The following MGAT5B variants were observed in gnomAD, a reference collection of about 807,000 sequenced individuals.
The protein encoded by MGAT5B is N-acetylglucosaminyl-transferase Vb.
A neutral mutation model predicts 95.1 loss-of-function variants in MGAT5B; 54 were observed. That is an observed-to-expected ratio of 0.57 (90% CI 0.46 to 0.71). The LOEUF (loss-of-function observed/expected upper bound fraction) is 0.71. MGAT5B is among the 30% of genes least tolerant of loss of function. The pLI is 0.00. For synonymous variants in MGAT5B, 464 were observed against 451.0 expected (o/e 1.03, Z -0.36); for missense variants, 935 against 1,088.6 (o/e 0.86, Z 1.99).
At chr17:76,897,659 CACTT>C (rs1181628864) in intron 3 of MGAT5B, among the ~76,000 whole-genome samples, 1,758 of 108,864 alleles carry the variant, frequency 0.016, 91 homozygotes, top group African/African-American at 0.049. Flanking sequence ...CAAGTAAGGC[CACTT>C]TCTTTCTTTC....
At chr17:76,874,085 A>G (rs570323423) in intron 2 of MGAT5B, among the ~76,000 whole-genome samples, 2 of 152,308 alleles carry the variant, frequency 1.3e-5, no homozygotes, top group East Asian at 3.9e-4. Flanking sequence ...AAGGAATCTC[A>G]CGCTTATTAG....
chr17:76,944,204 AGGCT>A (rs923695045), intron 15 of MGAT5B: 3 of 151,814 alleles, frequency 2.0e-5, no homozygotes, highest in African/African-American at 7.3e-5. Flanking sequence ...CAGGCCAGGC[AGGCT>A]GGCTCCTCCG....
Position 76,904,421 on chromosome 17 carries a change from A to G in MGAT5B, c.689A>G (p.Gln230Arg). 6.4e-7 allele frequency: 1 copy of G among 1,555,540 alleles called. No individual in the cohort carries two copies. Among genetic ancestry groups the G allele is most frequent in the Non-Finnish European group, 8.7e-7 (1 of 1,150,096 alleles). The change falls in exon 6 of 18, where the codon CAG becomes CGG. Residue 230 changes from glutamine (Q) to arginine (R), a missense_variant and splice_region_variant. Gln to Arg is a conservative substitution (Grantham distance 43, BLOSUM62 1). This residue lies in a region of MGAT5B where 243 missense variants were observed against 305.5 expected (regional missense o/e 0.80). Coordinates refer to ENST00000569840, the MANE Select transcript of MGAT5B (RefSeq NM_001199172.2). ...GCACCCAAGCCCCTCCCCAAAGTCCAGGTGGGCCTGGGAGGTGGGTGGGCC... is the reference window on the plus strand; with the variant it reads ...GCACCCAAGCCCCTCCCCAAAGTCCGGGTGGGCCTGGGAGGTGGGTGGGCC... ...QRAPKPLPKVQAVFRSNLSHL... is the reference protein window; with the variant it reads ...QRAPKPLPKVRAVFRSNLSHL...
intron 8 of MGAT5B, among the ~76,000 whole-genome samples, chr17:76,921,265 G>C (rs1051239419): frequency 1.3e-5 from 2 of 152,188 alleles, no homozygotes; most frequent in Non-Finnish European, 2.9e-5. Context: ...CTGGCCTCAC[G>C]TGTGACAGGT....
At position 76,889,492 on chromosome 17, in the gene MGAT5B, G is replaced by T. The variant is rs1284323370; in HGVS notation, c.329+7194G>T. 6.6e-6 allele frequency among the ~76,000 whole-genome samples: 1 copy of T among 152,164 alleles called. No homozygotes were observed. The highest frequency in any genetic ancestry group is 2.4e-5 in the African/African-American group (1 of 41,444). On this transcript the variant is annotated intron_variant, in intron 3 of 17. Coordinates refer to ENST00000569840, the MANE Select transcript of MGAT5B (RefSeq NM_001199172.2). This position sits in a 1 kb window ranked among gnomAD's most constrained non-coding sequence, Gnocchi z 4.4. ...CAGAAGCTGTCTCGGGCCACCGTGG[G>T]TACCTTCACTGGGAGAGAGGCGTGT...
At chr17:76,887,518 C>G (rs1433293976) in intron 3 of MGAT5B, among the ~76,000 whole-genome samples, 2 of 70,402 alleles carry the variant, frequency 2.8e-5, no homozygotes, top group African/African-American at 2.5e-4. Context: ...TCCCTCCCTC[C>G]CTCCCTCCCT....
At chr17:76,929,341 G>T (rs1335688086) in intron 10 of MGAT5B, among the ~76,000 whole-genome samples, 3 of 152,140 alleles carry the variant, frequency 2.0e-5, no homozygotes, top group Admixed American at 6.5e-5. Flanking sequence ...TCCAGACCTG[G>T]CAAACTCCTA....
Position 76,938,066 on chromosome 17 carries a change from C to T in MGAT5B, c.1507C>T (p.Pro503Ser). 1 of 1,614,242 alleles carries T rather than the reference C, an allele frequency of 6.2e-7. No individual in the cohort carries two copies. Among genetic ancestry groups the T allele is most frequent in the Non-Finnish European group, 8.5e-7 (1 of 1,180,052 alleles). ...CGTGTACTACGAGAGCCAGCGGCCCCCCGAGGTGCCAGCCTTTGTGAAGAA... is the reference window on the plus strand; with the variant it reads ...CGTGTACTACGAGAGCCAGCGGCCCTCCGAGGTGCCAGCCTTTGTGAAGAA... ...GTVYYESQRP[P>S]EVPAFVKNHG... Residue 503 changes from proline to serine, a missense_variant, in exon 13 of 18, where the codon CCC (proline) becomes TCC (serine). Transcript: ENST00000569840. This position sits in a 1 kb window ranked among gnomAD's most constrained non-coding sequence, Gnocchi z 4.3.
At chr17:76,877,768 C>G (rs774738115) in intron 2 of MGAT5B, among the ~76,000 whole-genome samples, 14 of 152,044 alleles carry the variant, frequency 9.2e-5, no homozygotes, top group Non-Finnish European at 1.9e-4. Flanking sequence ...GAGGTCTCTG[C>G]TTTCTGGAGA....
intron 3 of MGAT5B, among the ~76,000 whole-genome samples, chr17:76,888,983 G>A (rs1410048155): frequency 1.3e-5 from 2 of 152,234 alleles, no homozygotes; most frequent in Admixed American, 1.3e-4. Flanking sequence ...CTGGCTGCAC[G>A]AGGGTCGGCC....
At position 76,916,791 on chromosome 17, in the gene MGAT5B, A is replaced by G. The variant is rs1895967497; in HGVS notation, c.1026-8175A>G. ...GGGGACCAGTGTTCTTCCTCTGCCAAGGACAGACCAAGAGAGCGTCTTGTC... is the reference window on the plus strand; with the variant it reads ...GGGGACCAGTGTTCTTCCTCTGCCAGGGACAGACCAAGAGAGCGTCTTGTC... On this transcript the variant is annotated intron_variant, in intron 8 of 17. Transcript: ENST00000569840. This position sits in a 1 kb window ranked among gnomAD's most constrained non-coding sequence, Gnocchi z 5.3. Among the ~76,000 whole-genome samples, 1 of 152,148 alleles carries G rather than the reference A, an allele frequency of 6.6e-6. No homozygotes were observed. The highest frequency in any genetic ancestry group is 1.5e-5 in the Non-Finnish European group (1 of 68,018).
chr17:76,943,698 C>T (rs1049321926), intron 15 of MGAT5B, among the ~76,000 whole-genome samples: 14 of 152,118 alleles, frequency 9.2e-5, no homozygotes, highest in South Asian at 2.1e-4. Flanking sequence ...GCCTCGGCCT[C>T]CCAAAGAGCT....
intron 9 of MGAT5B, among the ~76,000 whole-genome samples, chr17:76,925,574 A>G (rs1429297190): frequency 1.3e-5 from 2 of 151,872 alleles, no homozygotes; most frequent in Admixed American, 1.3e-4. Context: ...GTGGGGCTTA[A>G]TTTAGCACAG....
At chr17:76,933,096 G>T (rs575492646) in intron 11 of MGAT5B, among the ~76,000 whole-genome samples, 196 bp from the exon 12 acceptor site, 1 of 152,354 alleles carries the variant, frequency 6.6e-6, no homozygotes, top group Non-Finnish European at 1.5e-5. Flanking sequence ...CGGTGGATGG[G>T]GGGGTGGTCA....
rs892351125 is a variant in MGAT5B at position 76,916,073 on chromosome 17, G to A, written c.1026-8893G>A. 2.0e-5 allele frequency among the ~76,000 whole-genome samples: 3 copies of A among 150,490 alleles called. No homozygotes were observed. The highest frequency in any genetic ancestry group is 6.6e-5 in the Admixed American group (1 of 15,230). ...CCGCCAAATGTCGTGGGCCTCTGCT[G>A]CTGGGGCCTGGGGCTGCCCTGGCCC... On this transcript the variant is annotated intron_variant, in intron 8 of 17. Transcript: ENST00000569840. The surrounding 1 kb of genome is among the most constrained non-coding windows in gnomAD (Gnocchi z 5.3).
At chr17:76,904,040 G>A (rs999232934) in intron 5 of MGAT5B, among the ~76,000 whole-genome samples, 2 of 152,224 alleles carry the variant, frequency 1.3e-5, no homozygotes, top group Non-Finnish European at 2.9e-5. Flanking sequence ...TTCCAGACAT[G>A]AGGGCTGGTG....
In MGAT5B at chr17:76,938,095, C is replaced by T. The variant is rs769291129; in HGVS notation, c.1536C>T (p.His512=). The part of the protein sequence containing the change: ...PPEVPAFVKN[H]GLLPQPEFQQ... ...AGGTGCCAGCCTTTGTGAAGAACCA[C>T]GGCCTCTTACCGCAGCCTGAGTTTC... Residue 512 remains histidine, a synonymous_variant, in exon 13 of 18, where the codon CAC becomes CAT. Transcript: ENST00000569840. This position sits in a 1 kb window ranked among gnomAD's most constrained non-coding sequence, Gnocchi z 4.3. The T allele has an allele frequency of 4.5e-5, 72 of 1,614,144 alleles. 1 individual carries two copies. The highest frequency in any genetic ancestry group is 4.0e-4 in the South Asian group (36 of 91,092).
At position 76,916,051 on chromosome 17, in the gene MGAT5B, C is replaced by T. The variant is rs892232569; in HGVS notation, c.1026-8915C>T. Among the ~76,000 whole-genome samples the T allele has an allele frequency of 3.3e-5, 5 of 152,006 alleles. No homozygotes were observed. The highest frequency in any genetic ancestry group is 9.7e-5 in the African/African-American group (4 of 41,264). On this transcript the variant is annotated intron_variant, in intron 8 of 17. Transcript: ENST00000569840. The surrounding 1 kb of genome is among the most constrained non-coding windows in gnomAD (Gnocchi z 5.3). ...TGTGGCGGGGTCACGTTGAGTGCCG[C>T]CAAATGTCGTGGGCCTCTGCTGCTG...
rs1370720149 is a variant in MGAT5B at position 76,905,177 on chromosome 17, C to G, written c.699C>G (p.Phe233Leu). ...PKPLPKVQAV[F>L]RSNLSHLLDL... Reference sequence around the variant, plus strand: ...GGTCTGGACCCCTCCAGGCAGTTTTCCGAAGCAACCTGTCCCACCTTCTGG... The same window carrying G: ...GGTCTGGACCCCTCCAGGCAGTTTTGCGAAGCAACCTGTCCCACCTTCTGG... The change falls in exon 7 of 18, where the codon TTC becomes TTG. Residue 233 changes from phenylalanine to leucine, a missense_variant. By Grantham distance (22) the Phe-to-Leu change is conservative. Coordinates refer to ENST00000569840, the MANE Select transcript of MGAT5B (RefSeq NM_001199172.2). The surrounding 1 kb of genome is among the most constrained non-coding windows in gnomAD (Gnocchi z 4.2). 5 of 1,610,104 alleles carry G rather than the reference C, an allele frequency of 3.1e-6. No individual in the cohort carries two copies. The African/African-American group carries it at 6.7e-5, about 22-fold the overall frequency.
Sources: gnomAD v4.1 joint callset for allele counts (sites outside exome capture counted in the v4.1 genomes callset) on GRCh38, gnomAD v4.1.1 for gene constraint, gnomAD v4.1.1 regional missense constraint, Gnocchi (gnomAD v3.1) non-coding constraint, MANE v1.5 for transcripts, NCBI Gene and HGNC (gene_info 2026-07-23, HGNC 2026-07-21) for gene names.